Variants in CEP290 observed in about 807,000 individuals in gnomAD.
The protein encoded by CEP290 is centrosomal protein of 290 kDa.
In CEP290, 317 loss-of-function variants were observed where a neutral mutation model predicts 344.9. The observed-to-expected ratio is 0.92, with a 90% CI of 0.84 to 1.01. CEP290 has a LOEUF of 1.01. Among genes scored for constraint, CEP290 ranks in the 50% least tolerant of loss-of-function variants. CEP290 has a pLI of 0.00. For missense variants in CEP290, 2,754 were observed against 2,761.4 expected, an observed-to-expected ratio of 1.00 and a Z score of 0.06; for synonymous variants, 932 against 895.8, an observed-to-expected ratio of 1.04 and a Z score of -0.72.
chr12:88,065,199 C>T (rs542021410), intron 44 of CEP290, among the ~76,000 whole-genome samples: 2 of 151,424 alleles, frequency 1.3e-5, no homozygotes, highest in African/African-American at 2.4e-5. Context: ...TTTCTCCTTT[C>T]TCTCTCTATT....
chr12:88,071,597 T>C (rs977387818), intron 42 of CEP290, 148 bp from the exon 43 acceptor site: 5 of 846,630 alleles, frequency 5.9e-6, no homozygotes, highest in African/African-American at 3.5e-5. Flanking sequence ...AAAATCCATC[T>C]ATAATTGTTA....
chr12:88,073,663 G>A (rs2035549123), intron 41 of CEP290, among the ~76,000 whole-genome samples: 1 of 152,076 alleles, frequency 6.6e-6, no homozygotes, highest in South Asian at 2.1e-4. Flanking sequence ...CTGGGGAGAT[G>A]GCTCATGCTT....
chr12:88,079,016 A>G, intron 39 of CEP290, 76 bp downstream of exon 39: 2 of 1,285,356 alleles, frequency 1.6e-6, no homozygotes, highest in Non-Finnish European at 2.1e-6. Flanking sequence ...CAACAAAATT[A>G]CTATATATCA....
chr12:88,103,327 T>C (rs1227455518), intron 25 of CEP290: 2 of 163,642 alleles, frequency 1.2e-5, no homozygotes, highest in Non-Finnish European at 2.6e-5. Flanking sequence ...TTGGATGGCT[T>C]TTCTAAATTT....
intron 18 of CEP290, chr12:88,116,071 G>A (rs2137813378): frequency 1.0e-6 from 1 of 985,284 alleles, no homozygotes; most frequent in Middle Eastern, 5.2e-4. Context: ...TTTTGCCTAA[G>A]TGATAACTTC....
rs559496805 is a variant in CEP290, at chr12:88,049,378, A to C, written c.7246T>G (p.Phe2416Val). 1 of 1,546,664 alleles carries C rather than the reference A, an allele frequency of 6.5e-7. No homozygotes were observed. Among genetic ancestry groups the C allele is most frequent in the South Asian group, 1.2e-5 (1 of 83,884 alleles). Residue 2416 changes from phenylalanine (F) to valine (V), a missense_variant, in exon 54 of 54, where the codon TTT (phenylalanine) becomes GTT (valine). Phe to Val is a conservative substitution (Grantham distance 50). Transcript: ENST00000552810. ...IKKLKKELEN[F>V]DPSFFEEIED... is the part of the protein sequence containing the mutation. ...ATTTCTTCAAAAAATGAAGGATCAA[A>C]ATTTTCCAGTTCTTTTTTCAGCTTC... is the stretch of plus-strand genomic sequence containing the variant.
Position 88,086,856 on chromosome 12 carries a change from G to A in CEP290, c.4195-358C>T, listed in dbSNP as rs575186641. ...GTCACCACGGAACTTGCATTCTGGC[G>A]AAGGAAAGACAGTCAATAATAAACC... On this transcript the variant is annotated intron_variant, in intron 32 of 53. Transcript: ENST00000552810. Among the ~76,000 whole-genome samples the A allele has an allele frequency of 1.2e-4, 18 of 152,306 alleles. No homozygotes were observed. The East Asian group carries it at 2.9e-3, about 24-fold the overall frequency.
intron 53 of CEP290, chr12:88,049,722 A>G (rs562100795): frequency 2.9e-4 from 54 of 184,892 alleles, no homozygotes; most frequent in African/African-American, 1.2e-3. Context: ...AGAGCAATCA[A>G]TCAAAAAGAT....
intron 17 of CEP290, among the ~76,000 whole-genome samples, chr12:88,118,008 C>A (rs1460971645): frequency 1.3e-5 from 2 of 151,766 alleles, no homozygotes; most frequent in African/African-American, 4.8e-5. Flanking sequence ...GCACTCCAGC[C>A]TGGGCAATAG....
At chr12:88,121,953 T>C (rs2039429682) in intron 13 of CEP290, among the ~76,000 whole-genome samples, 1 of 152,212 alleles carries the variant, frequency 6.6e-6, no homozygotes, top group African/African-American at 2.4e-5. Context: ...CTACTTGTAA[T>C]ATCTTACTAA....
chr12:88,068,503 A>G lies in CEP290; in HGVS notation c.6135+19T>C. 7.1e-7 allele frequency: 1 copy of G among 1,399,324 alleles called. No homozygotes were observed. 86.7% of individuals were successfully genotyped at this position (1,399,324 alleles called of 1,614,324 possible). On this transcript the variant is annotated intron_variant, in intron 44 of 53. Coordinates refer to ENST00000552810, the MANE Select transcript of CEP290 (RefSeq NM_025114.4). ...TTAACATGGAAAAAAGAAAAAAATAATAAAAGATATACACTTACTGAAGGC... is the reference window on the plus strand; with the variant it reads ...TTAACATGGAAAAAAGAAAAAAATAGTAAAAGATATACACTTACTGAAGGC...
chr12:88,055,412 T>C (rs1220868532), intron 50 of CEP290, among the ~76,000 whole-genome samples, 164 bp downstream of exon 50: 1 of 152,192 alleles, frequency 6.6e-6, no homozygotes, highest in Non-Finnish European at 1.5e-5. Context: ...ATGAAGTCGT[T>C]GATGATCCAA....
chr12:88,089,048 G>T lies in CEP290; in HGVS notation c.4013C>A (p.Thr1338Asn). The T allele has an allele frequency of 6.7e-7, 1 of 1,491,722 alleles. No homozygotes were observed. The highest frequency in any genetic ancestry group is 1.5e-5 in the South Asian group (1 of 67,788). The allele number at this position is 1,491,722 out of a possible 1,614,324, so 92.4% of individuals were successfully genotyped here. A position where few individuals can be genotyped will look rare whatever the true frequency, so the allele number is the denominator to read the frequency against. The change falls in exon 31 of 54, where the codon ACC becomes AAC. Residue 1338 changes from threonine (T) to asparagine (N), a missense_variant. By Grantham distance (65) the Thr-to-Asn change is moderately conservative. Transcript: ENST00000552810. Reference sequence around the variant, plus strand: ...AATGTTTACCTTTTGGGCTCCTTTGGTATCCTTTAAAGTGCTTATTAACTC... The same window carrying T: ...AATGTTTACCTTTTGGGCTCCTTTGTTATCCTTTAAAGTGCTTATTAACTC... ...LEELISTLKD[T>N]KGAQKVINWH...
Position 88,131,236 on chromosome 12 carries a change from A to G in CEP290, c.442-18T>C. ...AGAGCCAACTAAAATAGTAAAAAAAAAAAATAAATAAGAAGAAGATAAAAT... is the reference window on the plus strand; with the variant it reads ...AGAGCCAACTAAAATAGTAAAAAAAGAAAATAAATAAGAAGAAGATAAAAT... On this transcript the variant is annotated intron_variant, in intron 6 of 53. Transcript: ENST00000552810. 6.9e-7 allele frequency: 1 copy of G among 1,458,448 alleles called. No homozygotes were observed. The highest frequency in any genetic ancestry group is 3.0e-5 in the Admixed American group (1 of 33,068). The allele number at this position is 1,458,448 out of a possible 1,614,324, so 90.3% of individuals were successfully genotyped here.
intron 40 of CEP290, 47 bp from the exon 41 acceptor site, chr12:88,077,391 CAAAAT>C: frequency 1.7e-6 from 2 of 1,205,248 alleles, no homozygotes; most frequent in Non-Finnish European, 2.3e-6. Flanking sequence ...AAATGTAAAA[CAAAAT>C]AGACAGTAAA....
intron 3 of CEP290, 77 bp downstream of exon 3, chr12:88,140,879 G>T (rs1484307291): frequency 2.2e-6 from 2 of 898,524 alleles, no homozygotes; most frequent in Non-Finnish European, 3.3e-6. Context: ...TTTTCACAAA[G>T]ATTACCTTAT....
chr12:88,093,429 C>T lies in CEP290; in HGVS notation c.3309+341G>A, dbSNP rs533139063. Reference sequence around the variant, plus strand: ...AGATTATTGTCTATTTTGTTTCTTGCTATACTGCCAGTCCCAACACAGGGT... The same window carrying T: ...AGATTATTGTCTATTTTGTTTCTTGTTATACTGCCAGTCCCAACACAGGGT... On this transcript the variant is annotated intron_variant, in intron 28 of 53. Transcript: ENST00000552810. Among the ~76,000 whole-genome samples the T allele has an allele frequency of 3.9e-5, 6 of 152,116 alleles. No individual in the cohort carries two copies. The East Asian group carries it at 1.2e-3, about 29-fold the overall frequency.
At chr12:88,080,021 A>G (rs954355807) in intron 38 of CEP290, among the ~76,000 whole-genome samples, 161 bp downstream of exon 38, 1 of 152,212 alleles carries the variant, frequency 6.6e-6, no homozygotes, top group African/African-American at 2.4e-5. Context: ...CAAAAACAGC[A>G]TTGTCTAAAA....
chr12:88,078,195 A>G (rs887165324), intron 39 of CEP290, among the ~76,000 whole-genome samples: 2 of 152,008 alleles, frequency 1.3e-5, no homozygotes, highest in Non-Finnish European at 2.9e-5. Flanking sequence ...TCAAATATGC[A>G]CGTTTCATTT....
Sources: allele counts gnomAD v4.1 joint callset (sites outside exome capture counted in the v4.1 genomes callset), GRCh38; gene constraint gnomAD v4.1.1; transcripts MANE v1.5; gene names NCBI Gene and HGNC (gene_info 2026-07-23, HGNC 2026-07-21).